LRRC8A: variants seen among roughly 807,000 people sequenced by gnomAD.
LRRC8A encodes the protein leucine rich repeat containing 8 VRAC subunit A, also known as volume-regulated anion channel subunit LRRC8A.
LRRC8A carries 24 observed loss-of-function variants against 52.5 expected under a neutral mutation model. The ratio of observed to expected loss-of-function variants is 0.46; its 90% CI spans 0.33 to 0.64. LRRC8A has a LOEUF of 0.64. Ranked by LOEUF, LRRC8A falls within the 30% of genes least tolerant of loss-of-function variation. The probability of loss-of-function intolerance (pLI) is 0.02; values close to 1 mark genes in which losing one functional copy is unlikely to be tolerated. For synonymous variants in LRRC8A, 492 were observed against 494.2 expected (o/e 1.00, Z 0.06); for missense variants, 677 against 1,094.7 (o/e 0.62, Z 5.38).
At chr9:128,912,511 G>GC (rs1043958964) in intron 3 of LRRC8A, among the ~76,000 whole-genome samples, 5 of 139,858 alleles carry the variant, frequency 3.6e-5, no homozygotes, top group African/African-American at 5.1e-5. Flanking sequence ...CTATGGGGGG[G>GC]GGTGTGGATG....
chr9:128,890,786 C>T (rs957096092), intron 2 of LRRC8A, among the ~76,000 whole-genome samples: 1 of 152,202 alleles, frequency 6.6e-6, no homozygotes, highest in African/African-American at 2.4e-5. Flanking sequence ...TCTAAGAAGG[C>T]AGCGCTGGTA....
intron 2 of LRRC8A, among the ~76,000 whole-genome samples, chr9:128,903,927 T>C (rs1840133423): frequency 6.6e-6 from 1 of 151,846 alleles, no homozygotes; most frequent in Non-Finnish European, 1.5e-5. Flanking sequence ...ACTTGGGAGA[T>C]TGAAACATGA....
At position 128,908,804 on chromosome 9, in the gene LRRC8A, A is replaced by T; in HGVS notation, c.1640A>T (p.Lys547Met). The T allele has an allele frequency of 6.2e-7, 1 of 1,613,556 alleles. No homozygotes were observed. Among genetic ancestry groups the T allele is most frequent in the Non-Finnish European group, 8.5e-7 (1 of 1,180,024 alleles). The change falls in exon 3 of 4, where the codon AAG becomes ATG. Residue 547 changes from lysine (K) to methionine (M), a missense_variant. Transcript: ENST00000372600. Reference sequence around the variant, plus strand: ...GGGCTGCGGGAGCTCAAACGCCTCAAGGTGCTGCGGCTCAAGAGCAACCTA... The same window carrying T: ...GGGCTGCGGGAGCTCAAACGCCTCATGGTGCTGCGGCTCAAGAGCAACCTA... ...IDGLRELKRLKVLRLKSNLSK... is the reference protein window; with the variant it reads ...IDGLRELKRLMVLRLKSNLSK...
chr9:128,915,418 G>A lies in LRRC8A; in HGVS notation c.2158-678G>A, dbSNP rs868006180. 2.6e-5 allele frequency among the ~76,000 whole-genome samples: 4 copies of A among 152,152 alleles called. No homozygotes were observed. In the East Asian group the frequency reaches 5.8e-4, roughly 22 times the overall value. On this transcript the variant is annotated intron_variant, in intron 3 of 3. Transcript: ENST00000372600. The stretch of plus-strand genomic sequence containing the variant: ...GTCGGCTCTGCAAGCTCCGCCTCCC[G>A]GGTTCACGCCATTCTCCTGCCTCAG...
chr9:128,903,443 C>T (rs1262780518), intron 2 of LRRC8A, among the ~76,000 whole-genome samples: 2 of 146,544 alleles, frequency 1.4e-5, no homozygotes, highest in African/African-American at 5.1e-5. Context: ...GTCGGCACCT[C>T]GCTCTGTCAC....
At chr9:128,882,321 C>CA (rs934796741) in intron 1 of LRRC8A, 71 bp downstream of exon 1, 16 of 167,776 alleles carry the variant, frequency 9.5e-5, no homozygotes, top group Admixed American at 7.6e-4. Flanking sequence ...CGCCCTCGGC[C>CA]AGCTGCCCGG....
At chr9:128,896,729 T>G (rs761722017) in intron 2 of LRRC8A, among the ~76,000 whole-genome samples, 1 of 152,186 alleles carries the variant, frequency 6.6e-6, no homozygotes, top group Non-Finnish European at 1.5e-5. Flanking sequence ...TCTTTCTTTA[T>G]TTTTTTCTTT....
Position 128,907,401 on chromosome 9 carries a change from C to T in LRRC8A, c.237C>T (p.Pro79=), listed in dbSNP as rs755321197. The T allele has an allele frequency of 7.4e-6, 12 of 1,613,412 alleles. No homozygotes were observed. The South Asian group carries it at 8.8e-5, about 12-fold the overall frequency. ...FRGWAAPGPE[P]TYPNSTILPT... is the part of the protein sequence containing the mutation. ...GCTGGGCAGCCCCTGGCCCGGAGCC[C>T]ACCTACCCCAACTCCACCATTCTGC... Residue 79 remains proline, a synonymous_variant, in exon 3 of 4, where the codon CCC becomes CCT. Transcript: ENST00000372600. This position sits in a 1 kb window ranked among gnomAD's most constrained non-coding sequence, Gnocchi z 9.3.
chr9:128,907,161 A>T lies in LRRC8A; in HGVS notation c.-4A>T. The stretch of plus-strand genomic sequence containing the variant: ...CCTCCTATGGCTCCCTTTTAGGTTG[A>T]ACCATGATTCCGGTGACAGAGCTCC... On this transcript the variant is annotated 5_prime_UTR_variant, in exon 3 of 4. Coordinates refer to ENST00000372600, the MANE Select transcript of LRRC8A (RefSeq NM_019594.4). This position sits in a 1 kb window ranked among gnomAD's most constrained non-coding sequence, Gnocchi z 9.3. 6.2e-7 allele frequency: 1 copy of T among 1,604,296 alleles called. No individual in the cohort carries two copies. Among genetic ancestry groups the T allele is most frequent in the Non-Finnish European group, 8.5e-7 (1 of 1,172,820 alleles).
chr9:128,907,116 G>T lies in LRRC8A; in HGVS notation c.-8-41G>T. ...CTGACCCCTGGTCCTAGGAAAGCCA[G>T]GCCACCCTGTGCTAACCCCCCTCCT... On this transcript the variant is annotated intron_variant, in intron 2 of 3. Transcript: ENST00000372600. The surrounding 1 kb of genome is among the most constrained non-coding windows in gnomAD (Gnocchi z 9.3). 6.6e-7 allele frequency: 1 copy of T among 1,515,536 alleles called. No homozygotes were observed. The highest frequency in any genetic ancestry group is 9.0e-7 in the Non-Finnish European group (1 of 1,111,228). 93.9% of individuals were successfully genotyped at this position (1,515,536 alleles called of 1,614,324 possible). A position where few individuals can be genotyped will look rare whatever the true frequency, so the allele number is the denominator to read the frequency against.
At chr9:128,886,184 C>G (rs950234037) in intron 2 of LRRC8A, 63 bp downstream of exon 2, 4 of 152,726 alleles carry the variant, frequency 2.6e-5, no homozygotes, top group African/African-American at 7.2e-5. Flanking sequence ...CCTTCCCAGC[C>G]TGGGGAGCAA....
intron 2 of LRRC8A, among the ~76,000 whole-genome samples, chr9:128,898,243 CG>C (rs1366525728): frequency 6.6e-6 from 1 of 151,958 alleles, no homozygotes; most frequent in Admixed American, 6.6e-5. Flanking sequence ...TTTTGTGAGA[CG>C]GAGTCTTGCT....
intron 2 of LRRC8A, among the ~76,000 whole-genome samples, chr9:128,896,689 A>G (rs1393208823): frequency 6.6e-6 from 1 of 151,958 alleles, no homozygotes; most frequent in East Asian, 1.9e-4. Context: ...TTCTGTATTT[A>G]TTCTGGATAC....
At chr9:128,891,416 G>A (rs1839613360) in intron 2 of LRRC8A, among the ~76,000 whole-genome samples, 1 of 152,140 alleles carries the variant, frequency 6.6e-6, no homozygotes, top group Non-Finnish European at 1.5e-5. Flanking sequence ...TTTAAAAATA[G>A]CCAGGTGTGG....
intron 2 of LRRC8A, among the ~76,000 whole-genome samples, 182 bp from the exon 3 acceptor site, chr9:128,906,975 G>A (rs1840276937): frequency 1.3e-5 from 2 of 152,262 alleles, no homozygotes; most frequent in Non-Finnish European, 2.9e-5. Context: ...GTGGCCACAT[G>A]CTTTCTGCAG....
chr9:128,916,262 A>G lies in LRRC8A; in HGVS notation c.2324A>G (p.Glu775Gly), dbSNP rs773537614. 1.2e-6 allele frequency: 2 copies of G among 1,613,840 alleles called. No individual in the cohort carries two copies. The highest frequency in any genetic ancestry group is 3.3e-5 in the Admixed American group (2 of 60,020). Reference protein sequence around the residue: ...RLECLPVELGECPLLKRSGLV... With the variant: ...RLECLPVELGGCPLLKRSGLV... Reference sequence around the variant, plus strand: ...GAGTGCCTGCCTGTGGAGCTGGGCGAGTGCCCACTGCTCAAGCGCAGCGGC... The same window carrying G: ...GAGTGCCTGCCTGTGGAGCTGGGCGGGTGCCCACTGCTCAAGCGCAGCGGC... The change falls in exon 4 of 4, where the codon GAG (glutamate) becomes GGG (glycine). Residue 775 changes from glutamate to glycine, a missense_variant. Transcript: ENST00000372600. The surrounding 1 kb of genome is among the most constrained non-coding windows in gnomAD (Gnocchi z 6.1).
rs768916187 is a variant in LRRC8A at position 128,916,259 on chromosome 9, G to T, written c.2321G>T (p.Gly774Val). The change falls in exon 4 of 4, where the codon GGC becomes GTC. Residue 774 changes from glycine to valine, a missense_variant. By Grantham distance (109) the Gly-to-Val change is moderately radical. Transcript: ENST00000372600. The surrounding 1 kb of genome is among the most constrained non-coding windows in gnomAD (Gnocchi z 6.1). Reference protein sequence around the residue: ...NRLECLPVELGECPLLKRSGL... With the variant: ...NRLECLPVELVECPLLKRSGL... ...CTGGAGTGCCTGCCTGTGGAGCTGG[G>T]CGAGTGCCCACTGCTCAAGCGCAGC... The T allele has an allele frequency of 6.2e-7, 1 of 1,613,846 alleles. No homozygotes were observed. The highest frequency in any genetic ancestry group is 8.5e-7 in the Non-Finnish European group (1 of 1,179,970).
intron 3 of LRRC8A, among the ~76,000 whole-genome samples, chr9:128,909,957 G>A (rs1321722789): frequency 6.6e-6 from 1 of 152,228 alleles, no homozygotes; most frequent in Non-Finnish European, 1.5e-5. Flanking sequence ...AGGAAATTGT[G>A]CAAATCATTG....
rs1359000761 is a variant in LRRC8A, at chr9:128,902,550, G to T, written c.-8-4607G>T. 6.6e-6 allele frequency among the ~76,000 whole-genome samples: 1 copy of T among 152,186 alleles called. No individual in the cohort carries two copies. The highest frequency in any genetic ancestry group is 1.9e-4 in the East Asian group (1 of 5,198). On this transcript the variant is annotated intron_variant, in intron 2 of 3. Coordinates refer to ENST00000372600, the MANE Select transcript of LRRC8A (RefSeq NM_019594.4). The surrounding 1 kb of genome is among the most constrained non-coding windows in gnomAD (Gnocchi z 4.1). ...GTATCATTGTCACCACATCCTGCCC[G>T]CTCAAACAGCCGCGCCCGCCCTGGC... is the stretch of plus-strand genomic sequence containing the variant.
Sources: gnomAD v4.1 joint callset for allele counts (sites outside exome capture counted in the v4.1 genomes callset) on GRCh38, gnomAD v4.1.1 for gene constraint, Gnocchi (gnomAD v3.1) non-coding constraint, MANE v1.5 for transcripts, NCBI Gene and HGNC (gene_info 2026-07-23, HGNC 2026-07-21) for gene names.